SLC1A1: variants seen among roughly 807,000 people sequenced by gnomAD.
SLC1A1 encodes solute carrier family 1 member 1.
SLC1A1 carries 43 observed loss-of-function variants against 53.3 expected under a neutral mutation model. The ratio of observed to expected loss-of-function variants is 0.81; its 90% CI spans 0.63 to 1.04. SLC1A1 has a LOEUF of 1.04. Ranked by LOEUF, SLC1A1 falls within the 50% of genes least tolerant of loss-of-function variation. SLC1A1 has a pLI of 0.00. For missense variants in SLC1A1, 748 were observed against 664.9 expected (o/e 1.12, Z -1.37); for synonymous variants, 307 against 243.2 (o/e 1.26, Z -2.44).
intron 6 of SLC1A1, among the ~76,000 whole-genome samples, chr9:4,570,607 G>A (rs1426066049): frequency 6.6e-6 from 1 of 152,012 alleles, no homozygotes; most frequent in Non-Finnish European, 1.5e-5. Flanking sequence ...CTAACATCAG[G>A]TGATCCACCT....
At chr9:4,492,479 CAAAAA>C (rs34199207) in intron 1 of SLC1A1, among the ~76,000 whole-genome samples, 5 of 96,352 alleles carry the variant, frequency 5.2e-5, no homozygotes, top group African/African-American at 8.0e-5. Context: ...AAGAATCCAC[CAAAAA>C]AAAAAAAAAA....
At position 4,585,338 on chromosome 9, in the gene SLC1A1, T is replaced by A. The variant is rs771901791; in HGVS notation, c.1355T>A (p.Val452Asp). The A allele has an allele frequency of 3.1e-6, 5 of 1,613,918 alleles. No individual in the cohort carries two copies. The highest frequency in any genetic ancestry group is 4.2e-6 in the Non-Finnish European group (5 of 1,180,002). ...GACCGGTTCAGGACCATGGTCAACG[T>A]CCTTGGTGATGCTTTTGGGACGGGC... ...LLDRFRTMVN[V>D]LGDAFGTGIV... The change falls in exon 12 of 12, where the codon GTC (valine) becomes GAC (aspartate). Residue 452 changes from valine to aspartate, a missense_variant. Transcript: ENST00000262352.
At chr9:4,514,245 C>T (rs576602435) in intron 1 of SLC1A1, among the ~76,000 whole-genome samples, 3 of 152,146 alleles carry the variant, frequency 2.0e-5, no homozygotes, top group African/African-American at 4.8e-5. Context: ...CATACATGTC[C>T]AGCATTTGCA....
At chr9:4,584,983 A>G (rs530943375) in intron 11 of SLC1A1, among the ~76,000 whole-genome samples, 3 of 152,276 alleles carry the variant, frequency 2.0e-5, no homozygotes, top group Admixed American at 2.0e-4. Context: ...AAATCCCAAG[A>G]TAGAGGTTAG....
chr9:4,502,281 G>C (rs921950128), intron 1 of SLC1A1, among the ~76,000 whole-genome samples: 3 of 150,458 alleles, frequency 2.0e-5, no homozygotes, highest in Non-Finnish European at 4.4e-5. Context: ...CAGCTACTCA[G>C]GGGGCTGAGG....
intron 1 of SLC1A1, among the ~76,000 whole-genome samples, chr9:4,506,160 T>A (rs996317552): frequency 1.3e-5 from 2 of 152,274 alleles, no homozygotes; most frequent in South Asian, 2.1e-4. Flanking sequence ...TTTCGCCATG[T>A]TAGCCAGGCT....
chr9:4,563,271 G>A (rs1251518633), intron 3 of SLC1A1, among the ~76,000 whole-genome samples: 1 of 152,144 alleles, frequency 6.6e-6, no homozygotes, highest in African/African-American at 2.4e-5. Flanking sequence ...ATGTGGTGAG[G>A]CTTTAGTGGT....
chr9:4,518,785 A>G (rs1564004166), intron 1 of SLC1A1, among the ~76,000 whole-genome samples: 1 of 152,212 alleles, frequency 6.6e-6, no homozygotes, highest in East Asian at 1.9e-4. Context: ...GGGGAGAGGC[A>G]CAAGTGACAG....
Position 4,583,137 on chromosome 9 carries a change from G to A in SLC1A1, c.1293G>A (p.Glu431=), listed in dbSNP as rs1268544037. Residue 431 remains glutamate (E), a synonymous_variant, in exon 11 of 12, where the codon GAG becomes GAA. Coordinates refer to ENST00000262352, the MANE Select transcript of SLC1A1 (RefSeq NM_004170.6). The surrounding 1 kb of genome is among the most constrained non-coding windows in gnomAD (Gnocchi z 4.6). ...IVLSAVGLPA[E]DVTLIIAVDW... ...TGAGTGCCGTGGGCCTGCCCGCCGAGGATGTCACCCTGATCATTGCTGTCG... is the reference window on the plus strand; with the variant it reads ...TGAGTGCCGTGGGCCTGCCCGCCGAAGATGTCACCCTGATCATTGCTGTCG... The A allele has an allele frequency of 3.9e-5, 63 of 1,614,096 alleles. No individual in the cohort carries two copies. The highest frequency in any genetic ancestry group is 5.3e-5 in the Non-Finnish European group (62 of 1,180,052).
chr9:4,528,127 C>A (rs547925745), intron 1 of SLC1A1, among the ~76,000 whole-genome samples: 1 of 152,126 alleles, frequency 6.6e-6, no homozygotes, highest in Non-Finnish European at 1.5e-5. Flanking sequence ...TACCACGATG[C>A]GGTGATGACA....
rs548393473 is a variant in SLC1A1 at position 4,562,197 on chromosome 9, G to A, written c.325+656G>A. Among the ~76,000 whole-genome samples the A allele has an allele frequency of 1.6e-4, 24 of 150,340 alleles. 1 individual carries two copies. The South Asian group carries it at 3.7e-3, about 23-fold the overall frequency. ...AATGATTCTCCTGCCTCAGCCTCCC[G>A]AGTAGCTGGGATTACAGGTGCACAC... On this transcript the variant is annotated intron_variant, in intron 3 of 11. Coordinates refer to ENST00000262352, the MANE Select transcript of SLC1A1 (RefSeq NM_004170.6).
chr9:4,542,335 G>T (rs1275824865), intron 1 of SLC1A1, among the ~76,000 whole-genome samples: 1 of 152,108 alleles, frequency 6.6e-6, no homozygotes, highest in Non-Finnish European at 1.5e-5. Flanking sequence ...TCAAGCTACT[G>T]TACCTGGCAA....
At chr9:4,509,724 T>C (rs992590110) in intron 1 of SLC1A1, among the ~76,000 whole-genome samples, 3 of 151,854 alleles carry the variant, frequency 2.0e-5, no homozygotes, top group African/African-American at 7.3e-5. Context: ...GGAGGGCAAA[T>C]GGAGAGTGAC....
chr9:4,493,294 C>G (rs1820300795), intron 1 of SLC1A1, among the ~76,000 whole-genome samples: 1 of 152,176 alleles, frequency 6.6e-6, no homozygotes, highest in Non-Finnish European at 1.5e-5. Flanking sequence ...TTTTCTTGTC[C>G]TTTTTCTTCA....
intron 1 of SLC1A1, among the ~76,000 whole-genome samples, chr9:4,541,666 A>G (rs1303831229): frequency 2.0e-5 from 3 of 152,228 alleles, no homozygotes; most frequent in African/African-American, 4.8e-5. Context: ...ACAGCTGCCT[A>G]TTTATGTGAC....
chr9:4,555,416 C>T (rs571664275), intron 2 of SLC1A1, among the ~76,000 whole-genome samples: 1 of 152,172 alleles, frequency 6.6e-6, no homozygotes, highest in Admixed American at 6.5e-5. Context: ...GTCTTTTGCC[C>T]TCAGATGTTT....
Position 4,585,931 on chromosome 9 carries a change from T to TGA in SLC1A1, c.*373_*374insGA. 1 of 194,352 alleles carries TGA rather than the reference T, an allele frequency of 5.1e-6. No homozygotes were observed. The highest frequency in any genetic ancestry group is 1.1e-5 in the Non-Finnish European group (1 of 93,454). 12.0% of individuals were successfully genotyped at this position (194,352 alleles called of 1,614,324 possible). On this transcript the variant is annotated 3_prime_UTR_variant, in exon 12 of 12. Transcript: ENST00000262352. ...GGTTTTTAAAAAAAATATTCTGTCA[T>TGA]TGGTTACAAATTTTTACTCAGGCTT...
At chr9:4,566,648 G>T (rs1004770563) in intron 5 of SLC1A1, among the ~76,000 whole-genome samples, 3 of 151,974 alleles carry the variant, frequency 2.0e-5, no homozygotes, top group Admixed American at 6.6e-5. Flanking sequence ...AGGAGTTCCA[G>T]ACTAGCCTGG....
In SLC1A1 at chr9:4,513,560, G is replaced by A. The variant is rs567676085; in HGVS notation, c.91+22790G>A. The stretch of plus-strand genomic sequence containing the variant: ...AAAAAATACAACACCAAGTGCTGAT[G>A]AGGATGTGGAGCAACTGGTACTATT... On this transcript the variant is annotated intron_variant, in intron 1 of 11. Transcript: ENST00000262352. 3.2e-4 allele frequency among the ~76,000 whole-genome samples: 49 copies of A among 152,148 alleles called. 1 individual carries two copies. The highest frequency in any genetic ancestry group is 6.8e-4 in the Non-Finnish European group (46 of 68,026).
Sources: gnomAD v4.1 joint callset for allele counts (sites outside exome capture counted in the v4.1 genomes callset) on GRCh38, gnomAD v4.1.1 for gene constraint, Gnocchi (gnomAD v3.1) non-coding constraint, MANE v1.5 for transcripts, NCBI Gene and HGNC (gene_info 2026-07-23, HGNC 2026-07-21) for gene names.